The following OR4K1 variants were observed in gnomAD, a reference collection of about 807,000 sequenced individuals.
OR4K1 encodes the protein olfactory receptor family 4 subfamily K member 1.
A neutral mutation model predicts 14.4 loss-of-function variants in OR4K1; 16 were observed. The ratio of observed to expected loss-of-function variants is 1.11; its 90% CI spans 0.75 to 1.68. The LOEUF (loss-of-function observed/expected upper bound fraction) is 1.68, where lower values mean the gene tolerates loss of function less well. Ranked by LOEUF, OR4K1 falls within the 40% of genes most tolerant of loss-of-function variation. The probability of loss-of-function intolerance (pLI) is 0.00; values close to 1 mark genes in which losing one functional copy is unlikely to be tolerated. For synonymous variants in OR4K1, 181 were observed against 133.1 expected, an observed-to-expected ratio of 1.36 and a Z score of -2.48; for missense variants, 548 against 376.9, an observed-to-expected ratio of 1.45 and a Z score of -3.76.
chr14:19,932,947 A>G lies in OR4K1; in HGVS notation c.-20+1802A>G, dbSNP rs999036972. Among the ~76,000 whole-genome samples the G allele has an allele frequency of 2.7e-5, 4 of 147,952 alleles. No individual in the cohort carries two copies. The South Asian group carries it at 8.5e-4, about 32-fold the overall frequency. ...AAATATTAGAAAATGTGCTTTATAT[A>G]AAAATAATAATATTTATAACACTTA... is the stretch of plus-strand genomic sequence containing the variant. On this transcript the variant is annotated intron_variant, in intron 1 of 1. Coordinates refer to ENST00000641172, the MANE Select transcript of OR4K1 (RefSeq NM_001004063.3).
At chr14:19,923,198 T>C in the OR4K1 span, among the ~76,000 whole-genome samples, 1 of 152,222 alleles carries the variant, frequency 6.6e-6, no homozygotes, top group Non-Finnish European at 1.5e-5. Flanking sequence ...CAATACTACC[T>C]CTCTTACATT....
chr14:19,921,724 C>G, the OR4K1 span: 2 of 862,860 alleles, frequency 2.3e-6, no homozygotes, highest in Non-Finnish European at 3.3e-6. Flanking sequence ...TTCTAGGTAT[C>G]AAGTGAAAGT....
At chr14:19,920,778 C>T in the OR4K1 span, 1 of 1,614,208 alleles carries the variant, frequency 6.2e-7, no homozygotes, top group Non-Finnish European at 8.5e-7. Context: ...CCTGCACTCC[C>T]CTATGTACTT....
chr14:19,925,989 T>C (rs1882056404), upstream of OR4K1, among the ~76,000 whole-genome samples: 1 of 152,142 alleles, frequency 6.6e-6, no homozygotes, highest in Non-Finnish European at 1.5e-5. Context: ...AACATAAAGG[T>C]GGGGTGTGGG....
chr14:19,922,934 C>T, the OR4K1 span, among the ~76,000 whole-genome samples: 10 of 152,322 alleles, frequency 6.6e-5, no homozygotes, highest in Middle Eastern at 3.4e-3. Flanking sequence ...ATTTGTGAAT[C>T]ATTTTTGGTA....
intron 1 of OR4K1, among the ~76,000 whole-genome samples, chr14:19,933,880 C>T (rs1406940955): frequency 3.3e-5 from 5 of 152,160 alleles, no homozygotes; most frequent in African/African-American, 4.8e-5. Context: ...CCACCATGCC[C>T]GGCCTGCATT....
chr14:19,920,592 T>C, the OR4K1 span: 3 of 1,581,620 alleles, frequency 1.9e-6, no homozygotes, highest in Non-Finnish European at 1.7e-6. Context: ...CAGAACAAGT[T>C]TGCAGCTTGG....
chr14:19,935,741 T>C lies in OR4K1; in HGVS notation c.75T>C (p.Leu25=). ...LGLSNSWGLQ[L]FFFAIFSIVY... is the part of the protein sequence containing the mutation. ...TCTCTAATTCCTGGGGACTTCAACTTTTCTTTTTTGCCATCTTCTCTATAG... is the reference window on the plus strand; with the variant it reads ...TCTCTAATTCCTGGGGACTTCAACTCTTCTTTTTTGCCATCTTCTCTATAG... The change falls in exon 2 of 2, where the codon CTT becomes CTC. Residue 25 remains leucine (L), a synonymous_variant. Transcript: ENST00000641172. The C allele has an allele frequency of 6.2e-7, 1 of 1,613,862 alleles. No homozygotes were observed. The highest frequency in any genetic ancestry group is 1.1e-5 in the South Asian group (1 of 91,014).
chr14:19,926,675 T>C (rs1882069451), upstream of OR4K1, among the ~76,000 whole-genome samples: 1 of 152,246 alleles, frequency 6.6e-6, no homozygotes, highest in Non-Finnish European at 1.5e-5. Flanking sequence ...AGATCAATTT[T>C]AGGTTGATTC....
chr14:19,924,400 CAAAAAAAAAAAAA>C, the OR4K1 span, among the ~76,000 whole-genome samples: 7 of 79,252 alleles, frequency 8.8e-5, no homozygotes, highest in African/African-American at 2.8e-4. Flanking sequence ...AACTCCGTAT[CAAAAAAAAAAAAA>C]AAAAAAAAAA....
Position 19,935,997 on chromosome 14 carries a change from G to A in OR4K1, c.331G>A (p.Glu111Lys). 3 of 1,614,258 alleles carry A rather than the reference G, an allele frequency of 1.9e-6. No individual in the cohort carries two copies. Among genetic ancestry groups the A allele is most frequent in the South Asian group, 1.1e-5 (1 of 91,092 alleles). ...CGTTCTTCACAGTTTTGTTGGGAGT[G>A]AGATGATGTTGCTTGTAGCTATGGC... ...IFVLHSFVGSEMMLLVAMAYD... is the reference protein window; with the variant it reads ...IFVLHSFVGSKMMLLVAMAYD... The change falls in exon 2 of 2, where the codon GAG (glutamate) becomes AAG (lysine). Residue 111 changes from glutamate to lysine, a missense_variant. Glu to Lys is a moderately conservative substitution (Grantham distance 56, BLOSUM62 1). Transcript: ENST00000641172.
chr14:19,927,497 G>T (rs567788069), upstream of OR4K1, among the ~76,000 whole-genome samples: 520 of 152,336 alleles, frequency 3.4e-3, 3 homozygotes, highest in African/African-American at 0.012. Flanking sequence ...GAAGAATGAG[G>T]ATGAACGTAT....
chr14:19,926,549 A>T (rs1351966052), upstream of OR4K1, among the ~76,000 whole-genome samples: 1 of 152,274 alleles, frequency 6.6e-6, no homozygotes, highest in East Asian at 1.9e-4. Context: ...TCCTCTCATT[A>T]CATAAAATAC....
At position 19,936,438 on chromosome 14, in the gene OR4K1, T is replaced by C. The variant is rs746960066; in HGVS notation, c.772T>C (p.Tyr258His). The change falls in exon 2 of 2, where the codon TAT becomes CAT. Residue 258 changes from tyrosine (Y) to histidine (H), a missense_variant. Tyr to His is a moderately conservative substitution (Grantham distance 83). Coordinates refer to ENST00000641172, the MANE Select transcript of OR4K1 (RefSeq NM_001004063.3). ...TTTCTTCGGGCCTTGCATTTATTTC[T>C]ATATATGGCCTTTTAGCAGACTTCC... ...ILFFGPCIYF[Y>H]IWPFSRLPVD... The C allele has an allele frequency of 7.4e-6, 12 of 1,614,056 alleles. No homozygotes were observed. The African/African-American group carries it at 1.1e-4, about 14-fold the overall frequency.
At chr14:19,935,457 C>T (rs1239674371) in intron 1 of OR4K1, among the ~76,000 whole-genome samples, 191 bp from the exon 2 acceptor site, 1 of 151,984 alleles carries the variant, frequency 6.6e-6, no homozygotes, top group Non-Finnish European at 1.5e-5. Flanking sequence ...CTCTTTTTCA[C>T]ACTCTTTCAA....
the OR4K1 span, among the ~76,000 whole-genome samples, chr14:19,924,332 G>A: frequency 2.7e-5 from 4 of 147,788 alleles, no homozygotes; most frequent in South Asian, 2.1e-4. Flanking sequence ...CTTGGGAGGC[G>A]GAGGTTGTGG....
chr14:19,933,116 G>A (rs1301508204), intron 1 of OR4K1, among the ~76,000 whole-genome samples: 1 of 151,556 alleles, frequency 6.6e-6, no homozygotes, highest in Non-Finnish European at 1.5e-5. Flanking sequence ...TTTCAATTAT[G>A]GAGTTTTTTT....
chr14:19,927,754 G>A (rs1426727389), upstream of OR4K1, among the ~76,000 whole-genome samples: 1 of 152,194 alleles, frequency 6.6e-6, no homozygotes, highest in Non-Finnish European at 1.5e-5. Context: ...GTAGTGATTT[G>A]TCTTTATTGG....
chr14:19,932,913 T>A (rs1882216647), intron 1 of OR4K1, among the ~76,000 whole-genome samples: 1 of 151,724 alleles, frequency 6.6e-6, no homozygotes, highest in African/African-American at 2.4e-5. Context: ...CACATACATC[T>A]ATTATAGCAA....
Sources: gnomAD v4.1 joint callset for allele counts (sites outside exome capture counted in the v4.1 genomes callset) on GRCh38, gnomAD v4.1.1 for gene constraint, MANE v1.5 for transcripts, NCBI Gene and HGNC (gene_info 2026-07-23, HGNC 2026-07-21) for gene names.